Variants in KLF12 observed in about 807,000 individuals in gnomAD.
The protein encoded by KLF12 is KLF transcription factor 12, also known as Krueppel-like factor 12.
A neutral mutation model predicts 37.8 loss-of-function variants in KLF12; 9 were observed. That is an observed-to-expected ratio of 0.24 (90% CI 0.14 to 0.42). The LOEUF is 0.42. Among genes scored for constraint, KLF12 ranks in the 10% least tolerant of loss-of-function variants. The pLI is 1.00. For synonymous variants in KLF12, 208 were observed against 202.1 expected, an observed-to-expected ratio of 1.03 and a Z score of -0.25; for missense variants, 411 against 516.0, an observed-to-expected ratio of 0.80 and a Z score of 1.97.
chr13:74,012,670 T>C (rs1278266084), intron 1 of KLF12, among the ~76,000 whole-genome samples: 2 of 152,242 alleles, frequency 1.3e-5, no homozygotes, highest in African/African-American at 2.4e-5. Flanking sequence ...AGTTATGTTT[T>C]TCCTTAAGCA....
Position 74,071,585 on chromosome 13 carries a change from C to T in KLF12, c.-32+62154G>A, listed in dbSNP as rs181086938. The stretch of plus-strand genomic sequence containing the variant: ...GCAGGCGCCTGTAGTCCCAGCTACT[C>T]GGGAGGCTGAGGCAGGAGAATGGCG... On this transcript the variant is annotated intron_variant, in intron 1 of 7. Coordinates refer to ENST00000377669, the MANE Select transcript of KLF12 (RefSeq NM_007249.5). 4.1e-3 allele frequency among the ~76,000 whole-genome samples: 618 copies of T among 151,982 alleles called. 9 individuals are homozygous for T. The highest frequency in any genetic ancestry group is 0.014 in the African/African-American group (569 of 41,454).
intron 3 of KLF12, among the ~76,000 whole-genome samples, chr13:73,846,843 C>G (rs1333808892): frequency 6.6e-6 from 1 of 152,134 alleles, no homozygotes; most frequent in Non-Finnish European, 1.5e-5. Flanking sequence ...AGTTCTTCAA[C>G]CTCCCACACC....
chr13:74,026,752 T>C (rs1252168487), intron 1 of KLF12, among the ~76,000 whole-genome samples: 1 of 152,230 alleles, frequency 6.6e-6, no homozygotes, highest in Admixed American at 6.5e-5. Flanking sequence ...ATTTGTGTTC[T>C]AGAATCTACT....
At chr13:73,949,711 C>T (rs1260823647) in intron 2 of KLF12, among the ~76,000 whole-genome samples, 1 of 152,206 alleles carries the variant, frequency 6.6e-6, no homozygotes, top group Admixed American at 6.5e-5. Flanking sequence ...ACATCCTTTT[C>T]TCTACTCACA....
At chr13:74,238,818 G>C in the KLF12 span, among the ~76,000 whole-genome samples, 1 of 152,082 alleles carries the variant, frequency 6.6e-6, no homozygotes, top group South Asian at 2.1e-4. Context: ...GCGTCTACTT[G>C]ATTCTTCTCT....
chr13:74,301,502 A>T, the KLF12 span, among the ~76,000 whole-genome samples: 20 of 152,110 alleles, frequency 1.3e-4, no homozygotes, highest in Admixed American at 1.2e-3. Flanking sequence ...AGGCCTCTAT[A>T]TTTTCTTCGT....
At chr13:73,818,649 G>A (rs1052443253) in intron 4 of KLF12, among the ~76,000 whole-genome samples, 21 of 152,324 alleles carry the variant, frequency 1.4e-4, no homozygotes, top group African/African-American at 2.6e-4. Flanking sequence ...AAATGTGTAC[G>A]ACACAACAAT....
chr13:74,180,147 T>C, the KLF12 span, among the ~76,000 whole-genome samples: 1 of 152,244 alleles, frequency 6.6e-6, no homozygotes, highest in Non-Finnish European at 1.5e-5. Context: ...TAGGTTTCTC[T>C]ATGGAAAATA....
At chr13:73,831,008 A>ACACC in intron 4 of KLF12, among the ~76,000 whole-genome samples, 1 of 108,326 alleles carries the variant, frequency 9.2e-6, no homozygotes, top group Middle Eastern at 4.3e-3. Flanking sequence ...ACACACACAC[A>ACACC]CACACACACA....
rs71115618 is a variant in KLF12 at position 73,830,991 on chromosome 13, T to TACACACAC, written c.670+14828_670+14835dup. On this transcript the variant is annotated intron_variant, in intron 4 of 7. Coordinates refer to ENST00000377669, the MANE Select transcript of KLF12 (RefSeq NM_007249.5). ...ACATGGAATTACCTCACGCAATTCA[T>TACACACAC]ACACACACACACACACACACACACA... is the stretch of plus-strand genomic sequence containing the variant. Among the ~76,000 whole-genome samples the TACACACAC allele has an allele frequency of 6.6e-4, 78 of 119,002 alleles. No homozygotes were observed. The Middle Eastern group carries it at 0.017, about 27-fold the overall frequency. 78.1% of individuals were successfully genotyped at this position (119,002 alleles called of 152,430 possible). A position where few individuals can be genotyped will look rare whatever the true frequency, so the allele number is the denominator to read the frequency against.
chr13:74,122,989 TA>T (rs1877726841), intron 1 of KLF12, among the ~76,000 whole-genome samples: 1 of 150,406 alleles, frequency 6.6e-6, no homozygotes, highest in African/African-American at 2.4e-5. Context: ...AGAATGAATT[TA>T]AAAGTTTCCA....
At chr13:73,805,843 C>T (rs1254130718) in intron 5 of KLF12, among the ~76,000 whole-genome samples, 2 of 152,104 alleles carry the variant, frequency 1.3e-5, no homozygotes, top group African/African-American at 4.8e-5. Context: ...CTTGCTCTGT[C>T]GCTCAGGCTG....
At chr13:74,126,225 T>C (rs1003379229) in intron 1 of KLF12, among the ~76,000 whole-genome samples, 1 of 152,196 alleles carries the variant, frequency 6.6e-6, no homozygotes, top group African/African-American at 2.4e-5. Context: ...ACCTATATTA[T>C]ACAAATATCA....
intron 6 of KLF12, among the ~76,000 whole-genome samples, chr13:73,731,536 CAAAAAA>C (rs66701744): frequency 9.7e-6 from 1 of 103,530 alleles, no homozygotes; most frequent in African/African-American, 3.7e-5. Flanking sequence ...GGAAATTAGA[CAAAAAA>C]AAAAAAAAAA....
chr13:73,852,303 A>T (rs938940562), intron 3 of KLF12, among the ~76,000 whole-genome samples: 4 of 152,214 alleles, frequency 2.6e-5, no homozygotes, highest in Admixed American at 1.3e-4. Flanking sequence ...TATACTAAAG[A>T]AAGATAAATT....
At chr13:73,864,069 C>G (rs533459087) in intron 3 of KLF12, among the ~76,000 whole-genome samples, 2 of 152,176 alleles carry the variant, frequency 1.3e-5, no homozygotes, top group South Asian at 4.1e-4. Context: ...TAATAATATA[C>G]TACATGTCAT....
chr13:74,172,749 C>T, the KLF12 span, among the ~76,000 whole-genome samples: 17 of 152,204 alleles, frequency 1.1e-4, no homozygotes, highest in African/African-American at 4.1e-4. Context: ...AATGAGATGG[C>T]CCGGGTTGAC....
At chr13:74,194,088 A>G in the KLF12 span, among the ~76,000 whole-genome samples, 1 of 152,168 alleles carries the variant, frequency 6.6e-6, no homozygotes, top group South Asian at 2.1e-4. Context: ...CACCCTTGGA[A>G]GGAAGAATGG....
chr13:74,222,578 G>A, the KLF12 span, among the ~76,000 whole-genome samples: 4 of 152,200 alleles, frequency 2.6e-5, no homozygotes, highest in Admixed American at 6.5e-5. Context: ...GGTTAATTAG[G>A]TGCCAGCTCT....
Sources: gnomAD v4.1 joint callset for allele counts (sites outside exome capture counted in the v4.1 genomes callset) on GRCh38, gnomAD v4.1.1 for gene constraint, MANE v1.5 for transcripts, NCBI Gene and HGNC (gene_info 2026-07-23, HGNC 2026-07-21) for gene names.